The following PIK3C2G variants were observed in gnomAD, a reference collection of about 807,000 sequenced individuals.
PIK3C2G encodes the protein phosphatidylinositol-4-phosphate 3-kinase catalytic subunit type 2 gamma.
PIK3C2G carries 168 observed loss-of-function variants against 181.1 expected under a neutral mutation model. The observed-to-expected ratio is 0.93, with a 90% CI of 0.82 to 1.05. The LOEUF (loss-of-function observed/expected upper bound fraction) is 1.05, where lower values mean the gene tolerates loss of function less well. Ranked by LOEUF, PIK3C2G falls within the 50% of genes least tolerant of loss-of-function variation. The pLI, the probability that PIK3C2G is intolerant of heterozygous loss-of-function variation, is 0.00. For synonymous variants in PIK3C2G, 573 were observed against 592.2 expected (o/e 0.97, Z 0.47); for missense variants, 1,869 against 1,732.8 (o/e 1.08, Z -1.40).
chr12:18,255,990 G>A (rs1948142599), intron 1 of PIK3C2G, among the ~76,000 whole-genome samples: 1 of 152,046 alleles, frequency 6.6e-6, no homozygotes, highest in South Asian at 2.1e-4. Flanking sequence ...ATTTCTCTAT[G>A]AGATTATTTG....
In PIK3C2G at chr12:18,381,852, TA is replaced by T. The variant is rs1565658165; in HGVS notation, c.1969del (p.Ser657ValfsTer6). On this transcript the variant is annotated frameshift_variant, in exon 14 of 33. Coordinates refer to ENST00000538779, the MANE Select transcript of PIK3C2G (RefSeq NM_001288772.2). LOFTEE classifies it high-confidence loss of function. Reference protein sequence around the residue: ...VEMITPGVWDVSQPSPVTLQI... With the variant: ...VEMITPGVWDXSQPSPVTLQI... ...ATGATAACTCCAGGAGTGTGGGATG[TA>T]AGTCAGCCATCCCCGGTGACCCTGC... 10 of 1,612,306 alleles carry T rather than the reference TA, an allele frequency of 6.2e-6. No individual in the cohort carries two copies. The South Asian group carries it at 7.7e-5, about 12-fold the overall frequency.
the PIK3C2G span, among the ~76,000 whole-genome samples, chr12:18,724,414 T>G: frequency 6.6e-6 from 1 of 152,092 alleles, no homozygotes; most frequent in Non-Finnish European, 1.5e-5. Context: ...ATAAAAAAAC[T>G]GGGAAATAGG....
intron 25 of PIK3C2G, among the ~76,000 whole-genome samples, chr12:18,541,951 TG>T (rs2136252798): frequency 6.6e-6 from 1 of 151,912 alleles, no homozygotes; most frequent in East Asian, 1.9e-4. Context: ...AGATACATGG[TG>T]GGGAGAGAAC....
chr12:18,499,468 C>T (rs1941256269), intron 22 of PIK3C2G, among the ~76,000 whole-genome samples: 1 of 152,186 alleles, frequency 6.6e-6, no homozygotes, highest in Admixed American at 6.5e-5. Context: ...GTTTCCATGA[C>T]TTTATCAACA....
intron 31 of PIK3C2G, among the ~76,000 whole-genome samples, chr12:18,613,295 C>G (rs1948436199): frequency 6.6e-6 from 1 of 151,992 alleles, no homozygotes; most frequent in Non-Finnish European, 1.5e-5. Context: ...GATATTGAAT[C>G]TACCCACACT....
chr12:18,394,536 A>G (rs572239996), intron 15 of PIK3C2G, among the ~76,000 whole-genome samples: 37 of 152,202 alleles, frequency 2.4e-4, no homozygotes, highest in African/African-American at 8.7e-4. Context: ...TAATTATTCC[A>G]ATACAGCTAT....
intron 22 of PIK3C2G, among the ~76,000 whole-genome samples, chr12:18,500,586 T>C (rs533192345): frequency 1.3e-5 from 2 of 152,268 alleles, no homozygotes; most frequent in East Asian, 3.9e-4. Context: ...CGAGATCCAC[T>C]GGGTGACGCC....
intron 18 of PIK3C2G, among the ~76,000 whole-genome samples, chr12:18,480,839 AAGG>A (rs1447216262): frequency 6.6e-6 from 1 of 152,212 alleles, no homozygotes; most frequent in African/African-American, 2.4e-5. Flanking sequence ...CCTGCTCTGC[AAGG>A]AGAAATACCT....
chr12:18,679,956 G>A, the PIK3C2G span, among the ~76,000 whole-genome samples: 4 of 152,044 alleles, frequency 2.6e-5, no homozygotes, highest in South Asian at 4.1e-4. Flanking sequence ...TTGGAATGAG[G>A]GTTTCCAGTG....
At chr12:18,487,096 T>TG (rs1940115531) in intron 18 of PIK3C2G, among the ~76,000 whole-genome samples, 4 of 142,106 alleles carry the variant, frequency 2.8e-5, no homozygotes, top group Admixed American at 7.1e-5. Flanking sequence ...TTGAGGTATT[T>TG]TGTGTGTGTG....
chr12:18,506,719 A>T (rs941639865), intron 24 of PIK3C2G, among the ~76,000 whole-genome samples: 1 of 152,324 alleles, frequency 6.6e-6, no homozygotes, highest in Admixed American at 6.5e-5. Context: ...AAAGTAAGGA[A>T]ATCAGAAGTT....
intron 31 of PIK3C2G, among the ~76,000 whole-genome samples, chr12:18,614,056 T>C (rs1213457590): frequency 6.6e-6 from 1 of 152,136 alleles, no homozygotes; most frequent in Non-Finnish European, 1.5e-5. Context: ...ATCTAGATTC[T>C]TAAAGGAAAT....
intron 11 of PIK3C2G, 57 bp from the exon 12 acceptor site, chr12:18,362,707 A>G: frequency 7.6e-7 from 1 of 1,313,934 alleles, no homozygotes; most frequent in Non-Finnish European, 1.0e-6. Flanking sequence ...TGACCCATAT[A>G]GAAAGCTAGT....
chr12:18,445,234 G>C (rs1313117306), intron 18 of PIK3C2G, among the ~76,000 whole-genome samples: 1 of 151,628 alleles, frequency 6.6e-6, no homozygotes, highest in Non-Finnish European at 1.5e-5. Flanking sequence ...TCTTTTCAGT[G>C]GTGAAGAATT....
At chr12:18,657,728 C>A in the PIK3C2G span, among the ~76,000 whole-genome samples, 1 of 152,074 alleles carries the variant, frequency 6.6e-6, no homozygotes, top group Admixed American at 6.6e-5. Flanking sequence ...AATCTGATTT[C>A]TAGAGTTGCC....
At chr12:18,354,529 G>C (rs972598885) in intron 11 of PIK3C2G, among the ~76,000 whole-genome samples, 1 of 152,174 alleles carries the variant, frequency 6.6e-6, no homozygotes, top group Admixed American at 6.5e-5. Context: ...GGATTGCCCT[G>C]CAAGGTAAAG....
At chr12:18,699,421 T>C in the PIK3C2G span, among the ~76,000 whole-genome samples, 6 of 152,152 alleles carry the variant, frequency 3.9e-5, 1 homozygote, top group Admixed American at 2.0e-4. Flanking sequence ...TCCTGAGAGT[T>C]CAATCTTCTC....
At chr12:18,651,403 C>G (rs548802821), downstream of PIK3C2G, among the ~76,000 whole-genome samples, 1 of 152,112 alleles carries the variant, frequency 6.6e-6, no homozygotes, top group Admixed American at 6.6e-5. Flanking sequence ...ATCTTATGCA[C>G]TTATCATCTT....
intron 16 of PIK3C2G, among the ~76,000 whole-genome samples, chr12:18,410,185 G>A (rs1345001101): frequency 6.6e-6 from 1 of 152,102 alleles, no homozygotes; most frequent in Non-Finnish European, 1.5e-5. Context: ...CACACTAGCT[G>A]ACTAGCAAAT....
Sources: allele counts gnomAD v4.1 joint callset (sites outside exome capture counted in the v4.1 genomes callset), GRCh38; gene constraint gnomAD v4.1.1; transcripts MANE v1.5; gene names NCBI Gene and HGNC (gene_info 2026-07-23, HGNC 2026-07-21).